The following HDAC9 variants were observed in gnomAD, a reference collection of about 807,000 sequenced individuals.
HDAC9 encodes the protein histone deacetylase 9, also known as MEF-2 interacting transcription repressor (MITR) protein.
A neutral mutation model predicts 139.4 loss-of-function variants in HDAC9; 41 were observed. The observed-to-expected ratio is 0.29, with a 90% CI of 0.23 to 0.38. The LOEUF is 0.38. Ranked by LOEUF, HDAC9 falls within the 10% of genes least tolerant of loss-of-function variation. The pLI is 1.00. For synonymous variants in HDAC9, 517 were observed against 476.2 expected (o/e 1.09, Z -1.12); for missense variants, 1,147 against 1,297.0 (o/e 0.88, Z 1.78).
At chr7:18,641,796 G>A (rs73311460) in intron 8 of HDAC9, among the ~76,000 whole-genome samples, 2,072 of 152,082 alleles carry the variant, frequency 0.014, 43 homozygotes, top group African/African-American at 0.047. Flanking sequence ...TGCTAGTCAG[G>A]ATCTTTCATT....
chr7:18,326,583 G>C (rs912423025), intron 1 of HDAC9, among the ~76,000 whole-genome samples: 15 of 151,968 alleles, frequency 9.9e-5, no homozygotes, highest in Non-Finnish European at 2.2e-4. Context: ...TGAAGGATCT[G>C]ATTAGGAAAA....
intron 2 of HDAC9, among the ~76,000 whole-genome samples, chr7:18,529,229 C>G (rs1808025050): frequency 6.6e-6 from 1 of 152,104 alleles, no homozygotes; most frequent in Non-Finnish European, 1.5e-5. Flanking sequence ...ATCCAGATAA[C>G]CTTCCAAGGA....
intron 2 of HDAC9, among the ~76,000 whole-genome samples, chr7:18,213,487 C>T (rs1159853996): frequency 6.6e-6 from 1 of 152,028 alleles, no homozygotes; most frequent in Non-Finnish European, 1.5e-5. Context: ...TGTGGTAGTT[C>T]TTGGGATTTT....
chr7:18,448,142 C>T lies in HDAC9; in HGVS notation c.-41-48120C>T, dbSNP rs374067604. ...AGCCTCCTAAAGTGCTGAGATTACG[C>T]GCGTGAGCCACCATGCCTGGCGATC... On this transcript the variant is annotated intron_variant, in intron 1 of 3. Transcript: ENST00000413509. 4.6e-5 allele frequency among the ~76,000 whole-genome samples: 7 copies of T among 152,056 alleles called. No homozygotes were observed. The East Asian group carries it at 5.8e-4, about 13-fold the overall frequency.
intron 21 of HDAC9, among the ~76,000 whole-genome samples, chr7:18,871,628 A>G (rs1028533770): frequency 2.0e-5 from 3 of 152,186 alleles, no homozygotes; most frequent in African/African-American, 4.8e-5. Context: ...CCAATTTTTC[A>G]GATAAAATTT....
At chr7:18,271,258 G>A (rs552299649) in intron 2 of HDAC9, among the ~76,000 whole-genome samples, 13 of 152,304 alleles carry the variant, frequency 8.5e-5, no homozygotes, top group Admixed American at 2.6e-4. Context: ...GAGATAATGT[G>A]GCTATATACC....
At chr7:18,733,705 AT>A (rs1446851157) in intron 13 of HDAC9, among the ~76,000 whole-genome samples, 7 of 151,730 alleles carry the variant, frequency 4.6e-5, no homozygotes, top group African/African-American at 1.5e-4. Context: ...ACACATATAT[AT>A]TTTTTTGGGG....
At chr7:18,938,031 T>C (rs183157019) in intron 23 of HDAC9, among the ~76,000 whole-genome samples, 1 of 152,320 alleles carries the variant, frequency 6.6e-6, no homozygotes, top group East Asian at 1.9e-4. Context: ...GTGTTTACTG[T>C]AAAGCAAAGT....
intron 1 of HDAC9, among the ~76,000 whole-genome samples, chr7:18,316,458 C>CA (rs1799644683): frequency 6.6e-6 from 1 of 151,634 alleles, no homozygotes; most frequent in African/African-American, 2.4e-5. Context: ...TGCATTGTGA[C>CA]AAAAAATAAA....
chr7:18,780,707 G>A (rs374748499), intron 16 of HDAC9, among the ~76,000 whole-genome samples: 1 of 151,982 alleles, frequency 6.6e-6, no homozygotes, highest in Non-Finnish European at 1.5e-5. Context: ...GCCCTGTAAA[G>A]AACAGTATCA....
chr7:18,500,700 A>T (rs1356980510), intron 2 of HDAC9, among the ~76,000 whole-genome samples: 1 of 152,164 alleles, frequency 6.6e-6, no homozygotes, highest in East Asian at 1.9e-4. Context: ...AGATCGATCC[A>T]TAGCTCTTTG....
At chr7:18,167,304 G>C (rs1186405362) in intron 2 of HDAC9, among the ~76,000 whole-genome samples, 1 of 151,720 alleles carries the variant, frequency 6.6e-6, no homozygotes, top group Non-Finnish European at 1.5e-5. Flanking sequence ...TAAACCAAAT[G>C]AAGCATTTTA....
intron 1 of HDAC9, among the ~76,000 whole-genome samples, chr7:18,442,084 T>G (rs1364996747): frequency 2.6e-5 from 4 of 152,088 alleles, no homozygotes; most frequent in African/African-American, 9.7e-5. Context: ...CTTACATATT[T>G]AGAAGAGATA....
At chr7:18,874,122 C>T (rs1799136849) in intron 21 of HDAC9, among the ~76,000 whole-genome samples, 1 of 151,896 alleles carries the variant, frequency 6.6e-6, no homozygotes, top group Admixed American at 6.6e-5. Context: ...TGACTTTCCT[C>T]TGTAAAACAT....
At chr7:18,102,097 T>A (rs1782893097) in intron 1 of HDAC9, among the ~76,000 whole-genome samples, 1 of 152,182 alleles carries the variant, frequency 6.6e-6, no homozygotes, top group East Asian at 1.9e-4. Context: ...TCTCTCATAT[T>A]TGAATGATAA....
chr7:18,929,962 T>C (rs111298254), intron 22 of HDAC9, among the ~76,000 whole-genome samples: 9 of 151,760 alleles, frequency 5.9e-5, no homozygotes, highest in African/African-American at 1.9e-4. Context: ...TCTGAAACAA[T>C]ATGATTTCTT....
At chr7:18,867,558 G>A (rs1323062414) in intron 21 of HDAC9, among the ~76,000 whole-genome samples, 7 of 152,190 alleles carry the variant, frequency 4.6e-5, no homozygotes, top group Admixed American at 3.9e-4. Flanking sequence ...CAGTGTTACT[G>A]ATTAGGACTT....
rs560801550 is a variant in HDAC9 at position 18,598,132 on chromosome 7, C to CCT, written c.664+4113_664+4114dup. Among the ~76,000 whole-genome samples the CCT allele has an allele frequency of 6.6e-5, 10 of 152,100 alleles. 1 individual carries two copies. The South Asian group carries it at 2.1e-3, about 32-fold the overall frequency. ...TTTTTAATAGTTTAGAATATCTCTT[C>CCT]CTCTCTCTCTCCCTCTTTCTGTGTC... On this transcript the variant is annotated intron_variant, in intron 6 of 25. Transcript: ENST00000686413.
chr7:18,293,845 T>C (rs1307056970), intron 1 of HDAC9, among the ~76,000 whole-genome samples: 2 of 152,146 alleles, frequency 1.3e-5, no homozygotes, highest in Non-Finnish European at 2.9e-5. Flanking sequence ...TCTTTAACAT[T>C]TGTCAATGCA....
Sources: allele counts gnomAD v4.1 joint callset (sites outside exome capture counted in the v4.1 genomes callset), GRCh38; gene constraint gnomAD v4.1.1; transcripts MANE v1.5; gene names NCBI Gene and HGNC (gene_info 2026-07-23, HGNC 2026-07-21).